Variants in GPC5 observed in about 807,000 individuals in gnomAD.
GPC5 encodes the protein glypican 5.
Under a neutral mutation model 53.9 loss-of-function variants are expected in GPC5, and 47 were observed. That is an observed-to-expected ratio of 0.87 (90% CI 0.69 to 1.11). The LOEUF is 1.11. Among genes scored for constraint, GPC5 ranks in the 50% most tolerant of loss-of-function variants. The pLI, the probability that GPC5 is intolerant of heterozygous loss-of-function variation, is 0.00. For synonymous variants in GPC5, 286 were observed against 263.3 expected (o/e 1.09, Z -0.84); for missense variants, 748 against 713.1 (o/e 1.05, Z -0.56).
intron 4 of GPC5, among the ~76,000 whole-genome samples, chr13:91,752,459 G>A (rs910231501): frequency 6.6e-6 from 1 of 152,134 alleles, no homozygotes; most frequent in Non-Finnish European, 1.5e-5. Flanking sequence ...TGTGGTGGTG[G>A]CAGGAGGTGA....
intron 7 of GPC5, among the ~76,000 whole-genome samples, chr13:92,708,487 A>C (rs1049794907): frequency 6.6e-6 from 1 of 152,166 alleles, no homozygotes; most frequent in South Asian, 2.1e-4. Flanking sequence ...TCTCTATTCT[A>C]CTGCAGATAT....
At chr13:91,631,282 C>T (rs749213377) in intron 2 of GPC5, among the ~76,000 whole-genome samples, 29 of 151,998 alleles carry the variant, frequency 1.9e-4, no homozygotes, top group Admixed American at 1.5e-3. Context: ...ACCTTCACAC[C>T]TTAGGTTTAA....
In GPC5 at chr13:91,511,433, C is replaced by T. The variant is rs183816380; in HGVS notation, c.325+62511C>T. Reference sequence around the variant, plus strand: ...CATTTCTTTTGGTTTGGAAAATTCTCATTCTTTTTTTTCTGCTTCCTTTTC... The same window carrying T: ...CATTTCTTTTGGTTTGGAAAATTCTTATTCTTTTTTTTCTGCTTCCTTTTC... On this transcript the variant is annotated intron_variant, in intron 2 of 7. Coordinates refer to ENST00000377067, the MANE Select transcript of GPC5 (RefSeq NM_004466.6). Among the ~76,000 whole-genome samples, 3 of 152,164 alleles carry T rather than the reference C, an allele frequency of 2.0e-5. No homozygotes were observed. In the East Asian group the frequency reaches 5.8e-4, roughly 29 times the overall value.
chr13:91,584,539 AT>A (rs1159141806), intron 2 of GPC5, among the ~76,000 whole-genome samples: 5 of 152,160 alleles, frequency 3.3e-5, no homozygotes, highest in Non-Finnish European at 7.3e-5. Context: ...CATAAAATTC[AT>A]TGATAATATA....
intron 6 of GPC5, among the ~76,000 whole-genome samples, chr13:92,135,096 C>CA (rs2138967454): frequency 1.3e-5 from 2 of 152,212 alleles, no homozygotes; most frequent in East Asian, 3.9e-4. Context: ...TGCTTACTCA[C>CA]AAAATGTCCT....
intron 3 of GPC5, among the ~76,000 whole-genome samples, chr13:91,716,944 G>T (rs1343717273): frequency 6.6e-6 from 1 of 152,164 alleles, no homozygotes. Context: ...CTGGGAGAGG[G>T]ATTGGTAGTT....
intron 2 of GPC5, among the ~76,000 whole-genome samples, chr13:91,633,580 T>C (rs1244856953): frequency 1.3e-5 from 2 of 152,182 alleles, no homozygotes; most frequent in Non-Finnish European, 2.9e-5. Context: ...GGAAGACAAC[T>C]CAGGTTGGAG....
chr13:91,483,492 T>G (rs1230213635), intron 2 of GPC5, among the ~76,000 whole-genome samples: 1 of 152,144 alleles, frequency 6.6e-6, no homozygotes, highest in Admixed American at 6.5e-5. Flanking sequence ...TGTTGCCTAT[T>G]ATGACGCTCA....
intron 2 of GPC5, among the ~76,000 whole-genome samples, chr13:91,606,431 C>A (rs2139275502): frequency 6.6e-6 from 1 of 151,356 alleles, no homozygotes; most frequent in East Asian, 2.0e-4. Flanking sequence ...ATTGTTGTGT[C>A]TCTGCCTGGC....
chr13:92,477,906 A>T (rs1300787889), intron 7 of GPC5, among the ~76,000 whole-genome samples: 1 of 152,142 alleles, frequency 6.6e-6, no homozygotes, highest in Non-Finnish European at 1.5e-5. Flanking sequence ...AATGCTAAGT[A>T]TTCAATGTAC....
intron 1 of GPC5, among the ~76,000 whole-genome samples, chr13:91,401,042 C>T (rs17668103): frequency 0.058 from 8,826 of 152,086 alleles, 435 homozygotes; most frequent in East Asian, 0.3. Context: ...GGAGGAATCA[C>T]GGGAGCACTC....
intron 7 of GPC5, among the ~76,000 whole-genome samples, chr13:92,744,368 T>TAATC (rs1889190045): frequency 6.6e-6 from 1 of 152,002 alleles, no homozygotes; most frequent in Non-Finnish European, 1.5e-5. Flanking sequence ...CAATAGAAGG[T>TAATC]AATCACTGGA....
At chr13:92,368,938 CTG>C (rs910318693) in intron 7 of GPC5, among the ~76,000 whole-genome samples, 4 of 152,220 alleles carry the variant, frequency 2.6e-5, no homozygotes, top group African/African-American at 7.2e-5. Flanking sequence ...AGAAGAAAAA[CTG>C]TGAAGTGGTG....
At chr13:92,324,347 A>G (rs2043236025) in intron 7 of GPC5, among the ~76,000 whole-genome samples, 1 of 151,828 alleles carries the variant, frequency 6.6e-6, no homozygotes, top group African/African-American at 2.4e-5. Context: ...TTAACCCCCA[A>G]ATGGTGGTGG....
chr13:92,611,895 A>C (rs1429168044), intron 7 of GPC5, among the ~76,000 whole-genome samples: 6 of 152,136 alleles, frequency 3.9e-5, no homozygotes, highest in Admixed American at 3.9e-4. Flanking sequence ...CAAATGTTTT[A>C]GAGCTTAAGT....
intron 6 of GPC5, among the ~76,000 whole-genome samples, chr13:91,925,710 A>G (rs1197772383): frequency 6.6e-6 from 1 of 152,178 alleles, no homozygotes; most frequent in Non-Finnish European, 1.5e-5. Flanking sequence ...ATTGATTAAG[A>G]CCATACTCGC....
At chr13:91,461,290 A>G (rs1881914045) in intron 2 of GPC5, among the ~76,000 whole-genome samples, 1 of 152,166 alleles carries the variant, frequency 6.6e-6, no homozygotes, top group Non-Finnish European at 1.5e-5. Flanking sequence ...ATTTTCCTTA[A>G]GTAGAAATAA....
chr13:92,452,545 A>G (rs1345523033), intron 7 of GPC5, among the ~76,000 whole-genome samples: 2 of 151,156 alleles, frequency 1.3e-5, no homozygotes, highest in Non-Finnish European at 2.9e-5. Flanking sequence ...GTAAAAAGCT[A>G]CAAGGAAGGT....
chr13:92,726,822 T>C (rs749054524), intron 7 of GPC5, among the ~76,000 whole-genome samples: 3 of 151,494 alleles, frequency 2.0e-5, no homozygotes, highest in Admixed American at 6.6e-5. Flanking sequence ...TGAGGTTACT[T>C]CTGTGAAGAT....
Sources: allele counts gnomAD v4.1 joint callset (sites outside exome capture counted in the v4.1 genomes callset), GRCh38; gene constraint gnomAD v4.1.1; transcripts MANE v1.5; gene names NCBI Gene and HGNC (gene_info 2026-07-23, HGNC 2026-07-21).